The following XPNPEP1 variants were observed in gnomAD, a reference collection of about 807,000 sequenced individuals.
XPNPEP1 encodes X-prolyl aminopeptidase 1.
In XPNPEP1, 39 loss-of-function variants were observed where a neutral mutation model predicts 92.4. The ratio of observed to expected loss-of-function variants is 0.42; its 90% confidence interval spans 0.33 to 0.55. XPNPEP1 has a LOEUF of 0.55. Ranked by LOEUF, XPNPEP1 falls within the 20% of genes least tolerant of loss-of-function variation. The probability of loss-of-function intolerance (pLI) is 0.08; values close to 1 mark genes in which losing one functional copy is unlikely to be tolerated. For synonymous variants in XPNPEP1, 307 were observed against 299.4 expected, an observed-to-expected ratio of 1.03 and a Z score of -0.26; for missense variants, 654 against 856.1, an observed-to-expected ratio of 0.76 and a Z score of 2.95.
Position 109,880,836 on chromosome 10 carries a change from A to G in XPNPEP1, c.1131+6T>C. 1.9e-6 allele frequency: 3 copies of G among 1,612,878 alleles called. No individual in the cohort carries two copies. Among genetic ancestry groups the G allele is most frequent in the Non-Finnish European group, 2.5e-6 (3 of 1,179,466 alleles). ...TCCCATCTTCTGCACCAGCTCCTCT[A>G]CTCACGTGAGCCCGCCTCATGCCTT... On this transcript the variant is annotated splice_donor_region_variant and intron_variant, in intron 11 of 20. Transcript: ENST00000502935.
rs1447248540 is a variant in XPNPEP1, at chr10:109,923,169, C to T, written c.32+233G>A. On this transcript the variant is annotated intron_variant, in intron 1 of 20. Transcript: ENST00000502935. The stretch of plus-strand genomic sequence containing the variant: ...CGGGCATACGCGTCCAGGAACCAGA[C>T]TCGGGCCGCCCCGTGCCCACCGACC... The T allele has an allele frequency of 9.1e-6, 9 of 985,196 alleles. No individual in the cohort carries two copies. In the East Asian group the frequency reaches 4.5e-4, roughly 50 times the overall value. 61.0% of individuals were successfully genotyped at this position (985,196 alleles called of 1,614,324 possible). A position where few individuals can be genotyped will look rare whatever the true frequency, so the allele number is the denominator to read the frequency against.
chr10:109,914,626 A>G (rs543474152), intron 2 of XPNPEP1, among the ~76,000 whole-genome samples: 1 of 152,012 alleles, frequency 6.6e-6, no homozygotes, highest in African/African-American at 2.4e-5. Flanking sequence ...GAGAAACCCC[A>G]TCTCTACTAA....
At chr10:109,899,924 A>C (rs1849190184) in intron 3 of XPNPEP1, among the ~76,000 whole-genome samples, 1 of 152,250 alleles carries the variant, frequency 6.6e-6, no homozygotes, top group Non-Finnish European at 1.5e-5. Flanking sequence ...ACGAATCCCA[A>C]TATACGACTA....
intron 11 of XPNPEP1, 75 bp downstream of exon 11, chr10:109,880,767 G>T: frequency 1.4e-6 from 2 of 1,434,644 alleles, no homozygotes; most frequent in Non-Finnish European, 1.9e-6. Flanking sequence ...CAGGCTCAAT[G>T]CCACAGAGGA....
In XPNPEP1 at chr10:109,903,502, A is replaced by C. The variant is rs533182702; in HGVS notation, c.246+4189T>G. 7.2e-5 allele frequency among the ~76,000 whole-genome samples: 11 copies of C among 152,324 alleles called. No homozygotes were observed. The East Asian group carries it at 7.7e-4, about 11-fold the overall frequency. On this transcript the variant is annotated intron_variant, in intron 3 of 20. Coordinates refer to ENST00000502935, the MANE Select transcript of XPNPEP1 (RefSeq NM_020383.4). ...CAACACTAACAGGGTGACTGCAATC[A>C]AATCAGCCTAGGGCAACTGTCCAAT...
intron 15 of XPNPEP1, chr10:109,873,702 A>T (rs1847615817): frequency 6.6e-6 from 3 of 454,244 alleles, no homozygotes; most frequent in Non-Finnish European, 1.2e-5. Flanking sequence ...CACATTATTC[A>T]TAATAGCCAG....
intron 10 of XPNPEP1, 103 bp from the exon 11 acceptor site, chr10:109,881,034 T>C: frequency 1.8e-6 from 2 of 1,134,288 alleles, no homozygotes; most frequent in Non-Finnish European, 2.5e-6. Context: ...AGACAAATCA[T>C]TTGAAGAGCT....
intron 1 of XPNPEP1, among the ~76,000 whole-genome samples, chr10:109,918,350 G>A (rs1850303611): frequency 6.6e-6 from 1 of 152,164 alleles, no homozygotes; most frequent in African/African-American, 2.4e-5. Flanking sequence ...AAGCCAGAGA[G>A]GTTGAGGCAG....
At chr10:109,904,926 T>C (rs1849474864) in intron 3 of XPNPEP1, among the ~76,000 whole-genome samples, 1 of 151,742 alleles carries the variant, frequency 6.6e-6, no homozygotes, top group Non-Finnish European at 1.5e-5. Context: ...TCCAAAAGAA[T>C]GGAAAACAGG....
intron 5 of XPNPEP1, among the ~76,000 whole-genome samples, chr10:109,889,472 G>A (rs1036937129): frequency 4.6e-5 from 7 of 152,186 alleles, no homozygotes; most frequent in Non-Finnish European, 1.0e-4. Context: ...CAAAGTGCTG[G>A]CCATCCTGTT....
At chr10:109,871,688 G>A in intron 17 of XPNPEP1, 104 bp downstream of exon 17, 1 of 1,322,230 alleles carries the variant, frequency 7.6e-7, no homozygotes, top group Non-Finnish European at 1.1e-6. Context: ...AGTGGGATGG[G>A]GACCTCACAG....
chr10:109,875,017 C>T (rs1847701987), intron 15 of XPNPEP1, among the ~76,000 whole-genome samples: 1 of 152,162 alleles, frequency 6.6e-6, no homozygotes, highest in African/African-American at 2.4e-5. Context: ...TTTTGGGTTC[C>T]GTATCAAGAC....
intron 15 of XPNPEP1, among the ~76,000 whole-genome samples, chr10:109,874,707 T>C (rs960947568): frequency 1.3e-5 from 2 of 152,316 alleles, no homozygotes; most frequent in East Asian, 3.9e-4. Flanking sequence ...CCCAGCACTT[T>C]GGGAGGCCGA....
chr10:109,888,364 C>G, intron 6 of XPNPEP1, 139 bp downstream of exon 6: 3 of 1,228,972 alleles, frequency 2.4e-6, no homozygotes, highest in Non-Finnish European at 3.3e-6. Context: ...TGGAACTCTT[C>G]TCTTCACCCT....
chr10:109,904,185 A>G (rs11194907), intron 3 of XPNPEP1, among the ~76,000 whole-genome samples: 82,526 of 148,306 alleles, frequency 0.56, 25,388 homozygotes, highest in African/African-American at 0.8. Flanking sequence ...AATGAACACA[A>G]ACGAACCTCA....
Position 109,869,947 on chromosome 10 carries a change from C to T in XPNPEP1, c.1773+6G>A, listed in dbSNP as rs182615180. 16 of 1,613,930 alleles carry T rather than the reference C, an allele frequency of 9.9e-6. No homozygotes were observed. The Admixed American group carries it at 1.7e-4, about 17-fold the overall frequency. On this transcript the variant is annotated splice_donor_region_variant and intron_variant, in intron 19 of 20. Coordinates refer to ENST00000502935, the MANE Select transcript of XPNPEP1 (RefSeq NM_020383.4). The stretch of plus-strand genomic sequence containing the variant: ...AAACAGGAAAATTTTTTTAATAAAT[C>T]CTCACCTTGGTCTTCACAGGAACCA...
intron 5 of XPNPEP1, among the ~76,000 whole-genome samples, chr10:109,890,651 A>C (rs1170023570): frequency 2.6e-5 from 4 of 151,426 alleles, no homozygotes; most frequent in Non-Finnish European, 5.9e-5. Flanking sequence ...CAACTGCAGC[A>C]ACAGGCAACA....
At chr10:109,891,578 A>ATTT in intron 5 of XPNPEP1, 144 bp downstream of exon 5, 1 of 516,028 alleles carries the variant, frequency 1.9e-6, no homozygotes. Context: ...TAGGCATGCC[A>ATTT]TTTTTTTTTT....
At chr10:109,903,735 T>G (rs1849408127) in intron 3 of XPNPEP1, among the ~76,000 whole-genome samples, 1 of 152,190 alleles carries the variant, frequency 6.6e-6, no homozygotes, top group Non-Finnish European at 1.5e-5. Flanking sequence ...CCAGCTCCTC[T>G]GCTACCTACG....
Sources: gnomAD v4.1 joint callset for allele counts (sites outside exome capture counted in the v4.1 genomes callset) on GRCh38, gnomAD v4.1.1 for gene constraint, MANE v1.5 for transcripts, NCBI Gene and HGNC (gene_info 2026-07-23, HGNC 2026-07-21) for gene names.